The following CNGB3 variants were observed in gnomAD, a reference collection of about 807,000 sequenced individuals.
CNGB3 encodes cyclic nucleotide gated channel subunit beta 3, also known as cyclic nucleotide-gated channel beta-3.
CNGB3 carries 86 observed loss-of-function variants against 92.8 expected under a neutral mutation model. The observed-to-expected ratio is 0.93, with a 90% CI of 0.78 to 1.11. The LOEUF is 1.11. Ranked by LOEUF, CNGB3 falls within the 50% of genes least tolerant of loss-of-function variation. CNGB3 has a pLI of 0.00. For missense variants in CNGB3, 1,026 were observed against 956.8 expected (o/e 1.07, Z -0.95); for synonymous variants, 333 against 332.7 (o/e 1.00, Z -0.01).
At chr8:86,661,037 GT>G (rs372748305) in intron 6 of CNGB3, 5 of 232,378 alleles carry the variant, frequency 2.2e-5, no homozygotes, top group East Asian at 2.2e-4. Flanking sequence ...ACTTTCCTGG[GT>G]TTTTTTGTGT....
In CNGB3 at chr8:86,658,873, C is replaced by T. The variant is rs1008802831; in HGVS notation, c.853-4811G>A. The T allele has an allele frequency of 3.0e-5, 21 of 705,834 alleles. No homozygotes were observed. In the African/African-American group the frequency reaches 3.3e-4, roughly 11 times the overall value. The allele number at this position is 705,834 out of a possible 1,614,324, so 43.7% of individuals were successfully genotyped here. Reference sequence around the variant, plus strand: ...ATGGTCTCCAGGGTTTGCCTGTGCACCTCCACCTGCTCCTCCCAGAGCTCA... The same window carrying T: ...ATGGTCTCCAGGGTTTGCCTGTGCATCTCCACCTGCTCCTCCCAGAGCTCA... On this transcript the variant is annotated intron_variant, in intron 6 of 17. Coordinates refer to ENST00000320005, the MANE Select transcript of CNGB3 (RefSeq NM_019098.5).
rs192568942 is a variant in CNGB3, at chr8:86,629,030, C to T, written c.1369G>A (p.Ala457Thr). ...TAGGCAATGGTGTCATCCATGCAGG[C>T]GCGGAAGTAGTTCTGATTGGCTGTA... ...AATANQNYFR[A>T]CMDDTIAYMN... Residue 457 changes from alanine (A) to threonine (T), a missense_variant, in exon 12 of 18, where the codon GCC becomes ACC. Ala to Thr is a moderately conservative substitution (Grantham distance 58). Coordinates refer to ENST00000320005, the MANE Select transcript of CNGB3 (RefSeq NM_019098.5). 239 of 1,614,028 alleles carry T rather than the reference C, an allele frequency of 1.5e-4. 1 individual carries two copies. The East Asian group carries it at 3.3e-3, about 23-fold the overall frequency.
At position 86,626,030 on chromosome 8, in the gene CNGB3, C is replaced by T. The variant is rs150642676; in HGVS notation, c.1531G>A (p.Ala511Thr). Reference sequence around the variant, plus strand: ...ATGATGCTGAAGTTCACATCAATGGCGAGGGCTAACTGGACCGTAGTTGGT... The same window carrying T: ...ATGATGCTGAAGTTCACATCAATGGTGAGGGCTAACTGGACCGTAGTTGGT... ...TLPTTVQLAL[A>T]IDVNFSIISK... The change falls in exon 13 of 18, where the codon GCC (alanine) becomes ACC (threonine). Residue 511 changes from alanine to threonine, a missense_variant. By Grantham distance (58) the Ala-to-Thr change is moderately conservative. Transcript: ENST00000320005. 116 of 1,613,774 alleles carry T rather than the reference C, an allele frequency of 7.2e-5. No homozygotes were observed. In the East Asian group the frequency reaches 2.2e-3, roughly 31 times the overall value.
At chr8:86,659,814 A>G in intron 6 of CNGB3, 1 of 391,126 alleles carries the variant, frequency 2.6e-6, no homozygotes. Context: ...TTCTTCTTCC[A>G]GTTGATCCAG....
intron 15 of CNGB3, chr8:86,593,827 AG>A: frequency 9.4e-7 from 1 of 1,067,092 alleles, no homozygotes; most frequent in Non-Finnish European, 1.4e-6. Context: ...CTGTCAGGTC[AG>A]GGAAGTTGGT....
chr8:86,710,183 TG>T (rs1285291069), intron 3 of CNGB3, among the ~76,000 whole-genome samples: 1 of 152,210 alleles, frequency 6.6e-6, no homozygotes, highest in African/African-American at 2.4e-5. Flanking sequence ...TGCTTGTAAG[TG>T]GTTTTCTCAA....
chr8:86,613,588 A>G (rs1374755912), intron 13 of CNGB3, among the ~76,000 whole-genome samples: 2 of 152,174 alleles, frequency 1.3e-5, no homozygotes, highest in South Asian at 4.1e-4. Context: ...GGTAACTCTC[A>G]GTCACTCATG....
intron 6 of CNGB3, chr8:86,659,134 G>A (rs1823578647): frequency 7.0e-6 from 5 of 710,826 alleles, no homozygotes; most frequent in Non-Finnish European, 1.3e-5. Flanking sequence ...TCCAGCTCCT[G>A]TACCCGAGTC....
At chr8:86,658,709 C>T in intron 6 of CNGB3, 1 of 432,288 alleles carries the variant, frequency 2.3e-6, no homozygotes, top group Non-Finnish European at 4.3e-6. Context: ...TCTTGATGTG[C>T]TGCTCCGACT....
At position 86,578,740 on chromosome 8, in the gene CNGB3, T is replaced by C; in HGVS notation, c.2052A>G (p.Gly684=). ...TGAGTAGTCTTGCAAGACTTGCTTT[T>C]CCTGTGCCTCCTAGGAGAGTTTTAA... ...KLFKTLLGGT[G]KASLARLLKL... is the part of the protein sequence containing the mutation. Residue 684 remains glycine (G), a synonymous_variant, in exon 17 of 18, where the codon GGA becomes GGG. Transcript: ENST00000320005. 1 of 1,614,102 alleles carries C rather than the reference T, an allele frequency of 6.2e-7. No individual in the cohort carries two copies. The highest frequency in any genetic ancestry group is 1.1e-5 in the South Asian group (1 of 91,076).
intron 13 of CNGB3, among the ~76,000 whole-genome samples, chr8:86,625,561 A>G (rs1038600588): frequency 6.6e-6 from 1 of 152,198 alleles, no homozygotes; most frequent in Non-Finnish European, 1.5e-5. Context: ...GTCTAAATCC[A>G]AAGTATTTGT....
intron 15 of CNGB3, among the ~76,000 whole-genome samples, chr8:86,581,125 G>T (rs1480149270): frequency 2.0e-5 from 3 of 152,166 alleles, no homozygotes; most frequent in Non-Finnish European, 4.4e-5. Flanking sequence ...ACAAGAAAAA[G>T]CTGCACAATT....
At chr8:86,705,277 TG>T (rs1258703852) in intron 3 of CNGB3, among the ~76,000 whole-genome samples, 1 of 152,184 alleles carries the variant, frequency 6.6e-6, no homozygotes, top group Non-Finnish European at 1.5e-5. Flanking sequence ...GTTTAAGTTT[TG>T]TTTGGTCCTT....
At chr8:86,670,205 C>A (rs1431565619) in intron 4 of CNGB3, among the ~76,000 whole-genome samples, 1 of 152,178 alleles carries the variant, frequency 6.6e-6, no homozygotes, top group Non-Finnish European at 1.5e-5. Flanking sequence ...AATAGTCCCT[C>A]CCCTTACTTG....
At chr8:86,735,998 A>G (rs899321314) in intron 2 of CNGB3, among the ~76,000 whole-genome samples, 2 of 152,028 alleles carry the variant, frequency 1.3e-5, no homozygotes, top group Non-Finnish European at 2.9e-5. Flanking sequence ...AGCATTTAAC[A>G]TAATATAAAT....
intron 12 of CNGB3, among the ~76,000 whole-genome samples, chr8:86,627,325 G>T (rs530800660): frequency 6.6e-6 from 1 of 152,226 alleles, no homozygotes; most frequent in Non-Finnish European, 1.5e-5. Flanking sequence ...CACTCCTTTT[G>T]TTGCTCTGCC....
rs540705765 is a variant in CNGB3 at position 86,647,604 on chromosome 8, C to T, written c.990+197G>A. Among the ~76,000 whole-genome samples, 20 of 150,870 alleles carry T rather than the reference C, an allele frequency of 1.3e-4. 1 individual carries two copies. The South Asian group carries it at 3.5e-3, about 27-fold the overall frequency. On this transcript the variant is annotated intron_variant, in intron 8 of 17. Transcript: ENST00000320005. The stretch of plus-strand genomic sequence containing the variant: ...TGAAATAAAAACCAGGAGCAACTTT[C>T]ACCAGTAGACATTTTTTTCTTCATT...
chr8:86,675,079 C>T (rs192519258), intron 3 of CNGB3, among the ~76,000 whole-genome samples: 42 of 152,266 alleles, frequency 2.8e-4, no homozygotes, highest in Non-Finnish European at 5.1e-4. Context: ...CTGCCTCAGC[C>T]TCCCGAGTAG....
At chr8:86,659,146 T>C in intron 6 of CNGB3, 1 of 710,506 alleles carries the variant, frequency 1.4e-6, no homozygotes, top group South Asian at 1.6e-5. Context: ...ACCCGAGTCA[T>C]GCTGTGCTCC....
Sources: gnomAD v4.1 joint callset for allele counts (sites outside exome capture counted in the v4.1 genomes callset) on GRCh38, gnomAD v4.1.1 for gene constraint, MANE v1.5 for transcripts, NCBI Gene and HGNC (gene_info 2026-07-23, HGNC 2026-07-21) for gene names.